The following SELENOO variants were observed in gnomAD, a reference collection of about 807,000 sequenced individuals.
The protein encoded by SELENOO is selenoprotein O, also known as protein adenylyltransferase SelO, mitochondrial.
Under a neutral mutation model 58.7 loss-of-function variants are expected in SELENOO, and 74 were observed. That is an observed-to-expected ratio of 1.26 (90% CI 1.04 to 1.53). The LOEUF is 1.53. SELENOO is among the 40% of genes most tolerant of loss of function. The pLI is 0.00. For synonymous variants in SELENOO, 543 were observed against 453.2 expected (o/e 1.20, Z -2.52); for missense variants, 1,149 against 970.0 (o/e 1.18, Z -2.45).
intron 5 of SELENOO, among the ~76,000 whole-genome samples, chr22:50,213,063 G>A (rs1037737340): frequency 5.3e-5 from 8 of 152,158 alleles, no homozygotes; most frequent in African/African-American, 1.9e-4. Context: ...GGTATGTTGT[G>A]GGTTTTTTTG....
At chr22:50,211,698 GATT>G (rs1344400966) in intron 5 of SELENOO, among the ~76,000 whole-genome samples, 1 of 152,120 alleles carries the variant, frequency 6.6e-6, no homozygotes, top group Non-Finnish European at 1.5e-5. Context: ...TATGCTATAT[GATT>G]ATTATTTTTA....
intron 1 of SELENOO, among the ~76,000 whole-genome samples, chr22:50,202,184 C>T (rs1389072786): frequency 1.3e-5 from 2 of 152,040 alleles, no homozygotes; most frequent in Non-Finnish European, 2.9e-5. Context: ...TGTACTTACT[C>T]CATATTCTTT....
chr22:50,210,128 G>A, intron 3 of SELENOO, 53 bp from the exon 4 acceptor site: 1 of 1,584,598 alleles, frequency 6.3e-7, no homozygotes, highest in South Asian at 1.1e-5. Context: ...GACACGAGTG[G>A]GGAGGTCTGG....
Position 50,214,634 on chromosome 22 carries a change from G to A in SELENOO, c.1352-1083G>A, listed in dbSNP as rs138291114. ...ACAAAAATTAGCCAGGCATGGTGGC[G>A]GATGCCTGTAATCCCAGCTACTCGG... On this transcript the variant is annotated intron_variant, in intron 5 of 8. Transcript: ENST00000380903. 6.0e-3 allele frequency among the ~76,000 whole-genome samples: 912 copies of A among 152,006 alleles called. 6 individuals are homozygous for A. The highest frequency in any genetic ancestry group is 0.027 in the Middle Eastern group (8 of 294).
chr22:50,206,432 T>G lies in SELENOO; in HGVS notation c.670T>G (p.Ser224Ala), dbSNP rs763880889. Residue 224 changes from serine to alanine, a missense_variant, in exon 2 of 9, where the codon TCC becomes GCC. Coordinates refer to ENST00000380903, the MANE Select transcript of SELENOO (RefSeq NM_031454.2). ...TRAGACVTSE[S>A]TVVRDVFYDG... ...GGCCGGCGCCTGCGTCACGTCCGAGTCCACGGTGGTGCGCGACGTGTTCTA... is the reference window on the plus strand; with the variant it reads ...GGCCGGCGCCTGCGTCACGTCCGAGGCCACGGTGGTGCGCGACGTGTTCTA... 4.3e-6 allele frequency: 7 copies of G among 1,613,976 alleles called. No individual in the cohort carries two copies. In the African/African-American group the frequency reaches 6.7e-5, roughly 15 times the overall value.
chr22:50,216,473 C>T (rs139351367), intron 6 of SELENOO, among the ~76,000 whole-genome samples: 174 of 152,362 alleles, frequency 1.1e-3, no homozygotes, highest in African/African-American at 3.9e-3. Flanking sequence ...TCCTGCCCCT[C>T]GGCCCACAAA....
Position 50,217,109 on chromosome 22 carries a change from A to AG in SELENOO, c.1827dup (p.Arg610AlafsTer46), listed in dbSNP as rs755908896. 1.2e-6 allele frequency: 2 copies of AG among 1,612,954 alleles called. No individual in the cohort carries two copies. The highest frequency in any genetic ancestry group is 2.2e-5 in the South Asian group (2 of 91,080). On this transcript the variant is annotated frameshift_variant, in exon 8 of 9. Coordinates refer to ENST00000380903, the MANE Select transcript of SELENOO (RefSeq NM_031454.2). LOFTEE classifies it low-confidence loss of function (END_TRUNC). Reference sequence around the variant, plus strand: ...GCGCAGAATGCCATCGAGGCTGCCGAGCGCGGGGACTTCTCAGAGGCAAGC... The same window carrying AG: ...GCGCAGAATGCCATCGAGGCTGCCGAGGCGCGGGGACTTCTCAGAGGCAAGC...
At position 50,215,719 on chromosome 22, in the gene SELENOO, G is replaced by T; in HGVS notation, c.1354G>T (p.Ala452Ser). 2 of 1,589,836 alleles carry T rather than the reference G, an allele frequency of 1.3e-6. No homozygotes were observed. Among genetic ancestry groups the T allele is most frequent in the Non-Finnish European group, 1.7e-6 (2 of 1,162,666 alleles). The stretch of plus-strand genomic sequence containing the variant: ...TCCCTGAGCAGCCTGTGTTCCAGGT[G>T]CCGACTTCACAAACACCTTCTACTT... The part of the protein sequence containing the change: ...KLLETMHLTG[A>S]DFTNTFYLLS... The change falls in exon 6 of 9, where the codon GCC becomes TCC. Residue 452 changes from alanine to serine, a missense_variant and splice_region_variant. Transcript: ENST00000380903.
Position 50,217,269 on chromosome 22 carries a change from C to A in SELENOO, c.1910C>A (p.Ala637Asp). ...TGCGAGGCGGGGGCCGCCACAGACG[C>A]CGAGGCCACGGAAGCCGACGGGGCG... ...YHCEAGAATD[A>D]EATEADGADG... is the part of the protein sequence containing the mutation. The change falls in exon 9 of 9, where the codon GCC (alanine) becomes GAC (aspartate). Residue 637 changes from alanine (A) to aspartate (D), a missense_variant. Coordinates refer to ENST00000380903, the MANE Select transcript of SELENOO (RefSeq NM_031454.2). The A allele has an allele frequency of 6.2e-7, 1 of 1,612,182 alleles. No individual in the cohort carries two copies. Among genetic ancestry groups the A allele is most frequent in the Non-Finnish European group, 8.5e-7 (1 of 1,179,634 alleles).
chr22:50,217,330 G>C lies in SELENOO; in HGVS notation c.1971G>C (p.Pro657=), dbSNP rs758020673. The change falls in exon 9 of 9, where the codon CCG becomes CCC. Residue 657 remains proline (P), a synonymous_variant. Transcript: ENST00000380903. Reference sequence around the variant, plus strand: ...AGCGCTCCTACAGCAGTAAGCCCCCGCTCTGGGCAGCAGAACTGTGCGTGA... The same window carrying C: ...AGCGCTCCTACAGCAGTAAGCCCCCCCTCTGGGCAGCAGAACTGTGCGTGA... ...GRQRSYSSKP[P]LWAAELCVTU... 1 of 1,612,946 alleles carries C rather than the reference G, an allele frequency of 6.2e-7. No homozygotes were observed. Among genetic ancestry groups the C allele is most frequent in the East Asian group, 2.2e-5 (1 of 44,878 alleles).
chr22:50,201,573 G>A lies in SELENOO; in HGVS notation c.537G>A (p.Gly179=). Residue 179 remains glycine (G), a synonymous_variant, in exon 1 of 9, where the codon GGG becomes GGA. Coordinates refer to ENST00000380903, the MANE Select transcript of SELENOO (RefSeq NM_031454.2). ...GGGAGCTGCAGCTCAAGGGCGCCGG[G>A]CCCACGCCCTTCTCCAGGTGGGCCG... ...ERWELQLKGA[G]PTPFSRQADG... is the part of the protein sequence containing the mutation. 1 of 1,338,312 alleles carries A rather than the reference G, an allele frequency of 7.5e-7. No individual in the cohort carries two copies. The highest frequency in any genetic ancestry group is 1.7e-5 in the South Asian group (1 of 57,176). 82.9% of individuals were successfully genotyped at this position (1,338,312 alleles called of 1,614,324 possible).
Position 50,201,421 on chromosome 22 carries a change from C to G in SELENOO, c.385C>G (p.Leu129Val). The G allele has an allele frequency of 1.5e-6, 2 of 1,360,040 alleles. No homozygotes were observed. Among genetic ancestry groups the G allele is most frequent in the Non-Finnish European group, 1.9e-6 (2 of 1,050,796 alleles). 84.2% of individuals were successfully genotyped at this position (1,360,040 alleles called of 1,614,324 possible). ...EAALFFSGNA[L>V]LPGAEPAAHC... ...CGCGCTGTTCTTCAGCGGCAACGCG[C>G]TCCTGCCGGGCGCCGAGCCCGCCGC... is the stretch of plus-strand genomic sequence containing the variant. Residue 129 changes from leucine to valine, a missense_variant, in exon 1 of 9, where the codon CTC becomes GTC. By Grantham distance (32) the Leu-to-Val change is conservative. Coordinates refer to ENST00000380903, the MANE Select transcript of SELENOO (RefSeq NM_031454.2).
rs746830678 is a variant in SELENOO at position 50,208,651 on chromosome 22, T to C, written c.874T>C (p.Tyr292His). The C allele has an allele frequency of 6.2e-7, 1 of 1,613,852 alleles. No homozygotes were observed. The highest frequency in any genetic ancestry group is 8.5e-7 in the Non-Finnish European group (1 of 1,180,004). ...QLLDYVISSFYPEIQAAHASD... is the reference protein window; with the variant it reads ...QLLDYVISSFHPEIQAAHASD... ...GCTCGACTATGTCATCAGCTCCTTT[T>C]ACCCCGAGATCCAGGCTGCTCATGC... The change falls in exon 3 of 9, where the codon TAC (tyrosine) becomes CAC (histidine). Residue 292 changes from tyrosine to histidine, a missense_variant. Transcript: ENST00000380903.
intron 5 of SELENOO, among the ~76,000 whole-genome samples, chr22:50,213,948 C>A (rs2064388883): frequency 6.6e-6 from 1 of 152,156 alleles, no homozygotes; most frequent in Non-Finnish European, 1.5e-5. Context: ...GCTCCCAACC[C>A]TAGATGGTCT....
intron 5 of SELENOO, among the ~76,000 whole-genome samples, chr22:50,211,171 C>A (rs1482716703): frequency 1.3e-5 from 2 of 152,174 alleles, no homozygotes; most frequent in Admixed American, 6.5e-5. Context: ...AGGTCCGTAT[C>A]AGGATTTTAT....
intron 2 of SELENOO, among the ~76,000 whole-genome samples, chr22:50,207,790 C>T (rs750965469): frequency 2.4e-5 from 3 of 125,914 alleles, no homozygotes; most frequent in Admixed American, 9.7e-5. Context: ...CCCTGGGGGA[C>T]GGCTGCTGGT....
chr22:50,217,532 G>A lies in SELENOO; in HGVS notation c.*163G>A, dbSNP rs373569549. 3.0e-4 allele frequency: 314 copies of A among 1,054,760 alleles called. 5 individuals are homozygous for A. In the South Asian group the frequency reaches 4.0e-3, roughly 13 times the overall value. The allele number at this position is 1,054,760 out of a possible 1,614,324, so 65.3% of individuals were successfully genotyped here. ...GAGACATCCAGTCAGGACCTGACCC[G>A]TCTCTGTCTGAGGCCGGCTCAGCAG... On this transcript the variant is annotated 3_prime_UTR_variant, in exon 9 of 9. Transcript: ENST00000380903.
At chr22:50,203,994 C>G (rs997719713) in intron 1 of SELENOO, among the ~76,000 whole-genome samples, 3 of 151,886 alleles carry the variant, frequency 2.0e-5, no homozygotes, top group African/African-American at 7.3e-5. Context: ...AACTCAGCAA[C>G]AGGAAAAAAA....
Position 50,201,249 on chromosome 22 carries a change from G to T in SELENOO, c.213G>T (p.Pro71=). The T allele has an allele frequency of 9.2e-7, 1 of 1,085,926 alleles. No individual in the cohort carries two copies. The highest frequency in any genetic ancestry group is 4.3e-5 in the South Asian group (1 of 23,158). 67.3% of individuals were successfully genotyped at this position (1,085,926 alleles called of 1,614,324 possible). A position where few individuals can be genotyped will look rare whatever the true frequency, so the allele number is the denominator to read the frequency against. ...EAPPPGPEGA[P]SAPRPVPGAC... ...CGCCGCCCGGTCCCGAGGGCGCCCCGTCCGCGCCGCGGCCCGTGCCCGGGG... is the reference window on the plus strand; with the variant it reads ...CGCCGCCCGGTCCCGAGGGCGCCCCTTCCGCGCCGCGGCCCGTGCCCGGGG... The change falls in exon 1 of 9, where the codon CCG becomes CCT. Residue 71 remains proline (P), a synonymous_variant. Coordinates refer to ENST00000380903, the MANE Select transcript of SELENOO (RefSeq NM_031454.2).
Sources: allele counts gnomAD v4.1 joint callset (sites outside exome capture counted in the v4.1 genomes callset), GRCh38; gene constraint gnomAD v4.1.1; transcripts MANE v1.5; gene names NCBI Gene and HGNC (gene_info 2026-07-23, HGNC 2026-07-21).